The following RRP12 variants were observed in gnomAD, a reference collection of about 807,000 sequenced individuals.
RRP12 encodes RRP12-like protein.
A neutral mutation model predicts 157.3 loss-of-function variants in RRP12; 78 were observed. The observed-to-expected ratio is 0.50, with a 90% CI of 0.41 to 0.60. The LOEUF (loss-of-function observed/expected upper bound fraction) is 0.60, where lower values mean the gene tolerates loss of function less well. RRP12 is among the 20% of genes least tolerant of loss of function. RRP12 has a pLI of 0.00. For missense variants in RRP12, 1,521 were observed against 1,679.9 expected, an observed-to-expected ratio of 0.91 and a Z score of 1.65; for synonymous variants, 726 against 670.9, an observed-to-expected ratio of 1.08 and a Z score of -1.27.
At position 97,379,381 on chromosome 10, in the gene RRP12, C is replaced by A. The variant is rs1189459675; in HGVS notation, c.1710G>T (p.Leu570=). The change falls in exon 15 of 34, where the codon CTG becomes CTT. Residue 570 remains leucine, a synonymous_variant. Transcript: ENST00000370992. ...ETLDFPRSWL[L]PVIRDHVQET... ...CCTGAACATGGTCTCGGATGACAGG[C>A]AGCAGCCAGCTCCGTGGGAAATCCA... 1.2e-6 allele frequency: 2 copies of A among 1,614,110 alleles called. No individual in the cohort carries two copies. The highest frequency in any genetic ancestry group is 1.1e-5 in the South Asian group (1 of 91,078).
chr10:97,380,300 AGCT>A (rs1052012753), intron 13 of RRP12, among the ~76,000 whole-genome samples: 2 of 152,138 alleles, frequency 1.3e-5, no homozygotes, highest in African/African-American at 4.8e-5. Context: ...CGAGGCCAGG[AGCT>A]GCTGTCTCTG....
At chr10:97,398,024 TATATATATATACG>T (rs1564772517) in intron 2 of RRP12, among the ~76,000 whole-genome samples, 1 of 49,850 alleles carries the variant, frequency 2.0e-5, no homozygotes, top group African/African-American at 5.5e-5. Flanking sequence ...TATATATATG[TATATATATATACG>T]TATTTTTTTT....
chr10:97,396,781 T>A (rs1249076838), intron 2 of RRP12, among the ~76,000 whole-genome samples: 1 of 152,202 alleles, frequency 6.6e-6, no homozygotes, highest in Non-Finnish European at 1.5e-5. Context: ...TTATTTATTT[T>A]TTTTGAGATA....
At chr10:97,366,366 G>C in intron 28 of RRP12, 80 bp downstream of exon 28, 1 of 1,553,638 alleles carries the variant, frequency 6.4e-7, no homozygotes. Context: ...TGCCATGGAT[G>C]CCACCCCCTA....
In RRP12 at chr10:97,378,506, T is replaced by C. The variant is rs776293292; in HGVS notation, c.1798+787A>G. On this transcript the variant is annotated intron_variant, in intron 15 of 33. Coordinates refer to ENST00000370992, the MANE Select transcript of RRP12 (RefSeq NM_015179.4). ...TTATCATCTTATGAGACCACCATCA[T>C]TGAAACGTCATGTGGCGTGTGACTG... is the stretch of plus-strand genomic sequence containing the variant. 1.1e-4 allele frequency among the ~76,000 whole-genome samples: 16 copies of C among 152,348 alleles called. 2 individuals are homozygous for C. The South Asian group carries it at 1.2e-3, about 12-fold the overall frequency.
chr10:97,388,407 C>T, intron 7 of RRP12, 28 bp from the exon 8 acceptor site: 2 of 1,613,046 alleles, frequency 1.2e-6, no homozygotes, highest in African/African-American at 1.3e-5. Flanking sequence ...AATTGAGACA[C>T]CAGCCCCGCC....
chr10:97,401,256 G>T lies in RRP12; in HGVS notation c.-25C>A, dbSNP rs575673007. 2 of 1,612,908 alleles carry T rather than the reference G, an allele frequency of 1.2e-6. No individual in the cohort carries two copies. The highest frequency in any genetic ancestry group is 1.1e-5 in the South Asian group (1 of 91,056). On this transcript the variant is annotated 5_prime_UTR_variant, in exon 1 of 34. Coordinates refer to ENST00000370992, the MANE Select transcript of RRP12 (RefSeq NM_015179.4). ...TGTTGACTAAGCCGTGGCGAGGAAT[G>T]AGCTTAAATGACCGGCTTCCAGGGA...
At chr10:97,367,258 T>TCCTGGCCCACAC in intron 25 of RRP12, 126 bp from the exon 26 acceptor site, 1 of 758,160 alleles carries the variant, frequency 1.3e-6, no homozygotes, top group South Asian at 1.7e-5. Context: ...GCGGCCCTGC[T>TCCTGGCCCACAC]CCTGGCCCAC....
intron 20 of RRP12, chr10:97,371,856 G>T: frequency 2.1e-6 from 1 of 479,666 alleles, no homozygotes; most frequent in Non-Finnish European, 3.8e-6. Flanking sequence ...CACTCAGCAC[G>T]CAAGGCCTAA....
At position 97,370,496 on chromosome 10, in the gene RRP12, T is replaced by C; in HGVS notation, c.2648A>G (p.Glu883Gly). 1 of 1,610,518 alleles carries C rather than the reference T, an allele frequency of 6.2e-7. No homozygotes were observed. Among genetic ancestry groups the C allele is most frequent in the East Asian group, 2.2e-5 (1 of 44,840 alleles). The change falls in exon 23 of 34, where the codon GAG becomes GGG. Residue 883 changes from glutamate to glycine, a missense_variant. Coordinates refer to ENST00000370992, the MANE Select transcript of RRP12 (RefSeq NM_015179.4). ...ARKNAFALLV[E>G]MGHAFLRFGS... ...AAACCTTAGGAAAGCATGGCCCATC[T>C]CCACGAGCAGTGCAAAAGCGTTCTT...
At chr10:97,379,832 AC>A in intron 13 of RRP12, 62 bp from the exon 14 acceptor site, 4 of 1,507,096 alleles carry the variant, frequency 2.7e-6, no homozygotes, top group African/African-American at 1.4e-5. Context: ...CCATGACAAG[AC>A]CCCGCTGAAC....
At chr10:97,361,604 C>T (rs11189163) in intron 30 of RRP12, among the ~76,000 whole-genome samples, 37,831 of 152,154 alleles carry the variant, frequency 0.25, 4,878 homozygotes, top group South Asian at 0.34. Context: ...AGACGGGGGA[C>T]TCCAGGTCCA....
chr10:97,387,987 A>G (rs898772595), intron 8 of RRP12: 18 of 421,542 alleles, frequency 4.3e-5, no homozygotes, highest in East Asian at 3.0e-4. Context: ...GGGTACATAG[A>G]GCTGGTGCAG....
intron 29 of RRP12, among the ~76,000 whole-genome samples, chr10:97,364,361 A>T (rs567848159): frequency 6.6e-6 from 1 of 152,172 alleles, no homozygotes; most frequent in Non-Finnish European, 1.5e-5. Context: ...ATAAAGTATG[A>T]AACTGACCAA....
At chr10:97,398,157 C>T (rs1845037871) in intron 2 of RRP12, among the ~76,000 whole-genome samples, 1 of 92,352 alleles carries the variant, frequency 1.1e-5, no homozygotes, top group African/African-American at 5.3e-5. Context: ...CGGGTTCACG[C>T]CATTCTCCTG....
chr10:97,392,717 G>T lies in RRP12; in HGVS notation c.530+967C>A, dbSNP rs147183494. Among the ~76,000 whole-genome samples the T allele has an allele frequency of 3.6e-3, 537 of 148,422 alleles. 2 individuals are homozygous for T. The highest frequency in any genetic ancestry group is 6.0e-3 in the Non-Finnish European group (406 of 67,540). On this transcript the variant is annotated intron_variant, in intron 4 of 33. Coordinates refer to ENST00000370992, the MANE Select transcript of RRP12 (RefSeq NM_015179.4). Reference sequence around the variant, plus strand: ...TCTATTTTTTTTTTTTTGAGACGGAGTCTTGCACTGTTGACAGGGCTGTAA... The same window carrying T: ...TCTATTTTTTTTTTTTTGAGACGGATTCTTGCACTGTTGACAGGGCTGTAA...
At chr10:97,386,301 C>T (rs1252255021) in intron 8 of RRP12, among the ~76,000 whole-genome samples, 5 of 147,496 alleles carry the variant, frequency 3.4e-5, no homozygotes, top group Non-Finnish European at 7.4e-5. Flanking sequence ...AATCTTGCTC[C>T]GTTGCTGGAT....
At position 97,367,294 on chromosome 10, in the gene RRP12, G is replaced by A. The variant is rs540579868; in HGVS notation, c.2956-162C>T. 4.9e-5 allele frequency: 31 copies of A among 630,272 alleles called. No individual in the cohort carries two copies. The East Asian group carries it at 6.9e-4, about 14-fold the overall frequency. 39.0% of individuals were successfully genotyped at this position (630,272 alleles called of 1,614,324 possible). On this transcript the variant is annotated intron_variant, in intron 25 of 33. Transcript: ENST00000370992. Reference sequence around the variant, plus strand: ...ACCCTGGCCCAGTCATGCTTCCCTCGGGTGGGCAGGCCCCATCTTTCCCCT... The same window carrying A: ...ACCCTGGCCCAGTCATGCTTCCCTCAGGTGGGCAGGCCCCATCTTTCCCCT...
chr10:97,382,052 G>C (rs1844483369), intron 10 of RRP12, among the ~76,000 whole-genome samples: 1 of 152,178 alleles, frequency 6.6e-6, no homozygotes, highest in South Asian at 2.1e-4. Flanking sequence ...TAAAATGAAG[G>C]GCATGCCTTC....
Sources: gnomAD v4.1 joint callset for allele counts (sites outside exome capture counted in the v4.1 genomes callset) on GRCh38, gnomAD v4.1.1 for gene constraint, MANE v1.5 for transcripts, NCBI Gene and HGNC (gene_info 2026-07-23, HGNC 2026-07-21) for gene names.